DMD: variants seen among roughly 807,000 people sequenced by gnomAD.
DMD encodes mutant dystrophin.
Under a neutral mutation model 330.1 loss-of-function variants are expected in DMD, and 63 were observed. The observed-to-expected ratio is 0.19, with a 90% CI of 0.16 to 0.24. The LOEUF is 0.24. Among genes scored for constraint, DMD ranks in the 10% least tolerant of loss-of-function variants. The probability of loss-of-function intolerance (pLI) is 1.00; values close to 1 mark genes in which losing one functional copy is unlikely to be tolerated. For synonymous variants in DMD, 1,223 were observed against 959.8 expected, an observed-to-expected ratio of 1.27 and a Z score of -5.07; for missense variants, 3,344 against 2,684.1, an observed-to-expected ratio of 1.25 and a Z score of -5.43.
intron 52 of DMD, among the ~76,000 whole-genome samples, chrX:31,679,860 T>A (rs992535838): frequency 8.9e-6 from 1 of 112,058 alleles, no homozygotes; most frequent in African/African-American, 3.2e-5. Flanking sequence ...ATATGAATCA[T>A]CTGTTAGAAA....
At position 33,334,910 on chromosome X, in the gene DMD, A is replaced by G. The variant is rs144104153; in HGVS notation, c.7+4349T>C. On this transcript the variant is annotated intron_variant, in intron 1 of 17. Coordinates refer to the DMD transcript ENST00000288447. ...TCTTAGCACTGAACACTTTAGGAAT[A>G]AGGAGTGCAGTGTCTCACAAAGTAA... Among the ~76,000 whole-genome samples the G allele has an allele frequency of 3.8e-4, 42 of 111,828 alleles. 1 individual carries two copies. In the East Asian group the frequency reaches 0.012, roughly 32 times the overall value.
chrX:31,590,151 T>G, intron 55 of DMD, among the ~76,000 whole-genome samples: 1 of 110,924 alleles, frequency 9.0e-6, no homozygotes, highest in Non-Finnish European at 1.9e-5. Flanking sequence ...CCACACATCT[T>G]AATTGTAAAC....
chrX:31,412,402 C>A (rs1347220920), intron 60 of DMD, among the ~76,000 whole-genome samples: 1 of 111,675 alleles, frequency 9.0e-6, no homozygotes, highest in Non-Finnish European at 1.9e-5. Context: ...TATTTCTTAG[C>A]CTCACATAGA....
At chrX:32,254,642 G>A (rs1307147577) in intron 43 of DMD, among the ~76,000 whole-genome samples, 1 of 111,882 alleles carries the variant, frequency 8.9e-6, no homozygotes, top group Non-Finnish European at 1.9e-5. Flanking sequence ...GATTCATAAT[G>A]TGAAGGGTGT....
At chrX:31,152,540 T>C (rs2037567510) in intron 74 of DMD, among the ~76,000 whole-genome samples, 1 of 4,155 alleles carries the variant, frequency 2.4e-4, no homozygotes, top group African/African-American at 9.7e-4. Flanking sequence ...TAATTCATCT[T>C]TTTTTTTTTT....
intron 9 of DMD, among the ~76,000 whole-genome samples, chrX:32,676,694 G>A (rs2147263688): frequency 9.0e-6 from 1 of 111,457 alleles, no homozygotes; most frequent in South Asian, 3.7e-4. Flanking sequence ...TACAAGCTCA[G>A]TTAACATTCT....
chrX:32,677,565 G>T (rs1299490900), intron 9 of DMD, among the ~76,000 whole-genome samples: 1 of 111,079 alleles, frequency 9.0e-6, no homozygotes, highest in Non-Finnish European at 1.9e-5. Context: ...TTAAAATTTG[G>T]AATGCTCCCT....
At chrX:32,156,265 A>T (rs1172782189) in intron 44 of DMD, among the ~76,000 whole-genome samples, 1 of 111,783 alleles carries the variant, frequency 8.9e-6, no homozygotes, top group Non-Finnish European at 1.9e-5. Context: ...CTGTAATCTC[A>T]GCTACTCGGG....
At chrX:32,530,556 T>C (rs1368333823) in intron 17 of DMD, among the ~76,000 whole-genome samples, 1 of 112,321 alleles carries the variant, frequency 8.9e-6, no homozygotes, top group Non-Finnish European at 1.9e-5. Context: ...TTTGTTTAAA[T>C]ATCTTTGAGA....
In DMD at chrX:31,501,772, C is replaced by T. The variant is rs2070431379; in HGVS notation, c.8391-4828G>A. On this transcript the variant is annotated intron_variant, in intron 56 of 78. Coordinates refer to ENST00000357033, the MANE Select transcript of DMD (RefSeq NM_004006.3). ...AAAGTGAAATGTGTTATATTGAATTCATTTTTCACTTTGACTTCCTTTATA... is the reference window on the plus strand; with the variant it reads ...AAAGTGAAATGTGTTATATTGAATTTATTTTTCACTTTGACTTCCTTTATA... 6.2e-5 allele frequency among the ~76,000 whole-genome samples: 7 copies of T among 112,248 alleles called. No individual in the cohort carries two copies. The South Asian group carries it at 1.8e-3, about 30-fold the overall frequency.
intron 1 of DMD, among the ~76,000 whole-genome samples, chrX:33,219,168 C>T (rs2052114573): frequency 1.8e-5 from 2 of 110,263 alleles, no homozygotes; most frequent in South Asian, 7.7e-4. Flanking sequence ...GACTCTGGAT[C>T]TTATTTAAAT....
chrX:32,347,553 T>C (rs2097768257), intron 38 of DMD, among the ~76,000 whole-genome samples: 2 of 111,720 alleles, frequency 1.8e-5, no homozygotes, highest in Non-Finnish European at 3.8e-5. Flanking sequence ...AAGTGGGAAC[T>C]AAGATTGGTG....
intron 7 of DMD, among the ~76,000 whole-genome samples, chrX:32,746,481 T>A (rs1417921462): frequency 8.9e-6 from 1 of 111,915 alleles, no homozygotes; most frequent in Non-Finnish European, 1.9e-5. Context: ...TGGGACCTTT[T>A]TAGAAATACC....
At chrX:32,779,902 C>T (rs1261040182) in intron 7 of DMD, among the ~76,000 whole-genome samples, 3 of 111,359 alleles carry the variant, frequency 2.7e-5, no homozygotes, top group African/African-American at 9.8e-5. Context: ...GATTACTATT[C>T]AAGATATTCT....
At position 31,776,562 on chromosome X, in the gene DMD, CAGAA is replaced by C. The variant is rs1399483785; in HGVS notation, c.7310-2374_7310-2371del. On this transcript the variant is annotated intron_variant, in intron 50 of 78. Coordinates refer to ENST00000357033, the MANE Select transcript of DMD (RefSeq NM_004006.3). ...CCTGAAAAGCACGTTTGGAAAAAGACAGAAAGGAAGAAGGAAAGAAGAAAGTCAG... is the reference window on the plus strand; with the variant it reads ...CCTGAAAAGCACGTTTGGAAAAAGACAGGAAGAAGGAAAGAAGAAAGTCAG... Among the ~76,000 whole-genome samples, 7 of 81,025 alleles carry C rather than the reference CAGAA, an allele frequency of 8.6e-5. No homozygotes were observed. In the South Asian group the frequency reaches 2.2e-3, roughly 26 times the overall value. 70.4% of individuals were successfully genotyped at this position (81,025 alleles called of 115,157 possible).
intron 15 of DMD, among the ~76,000 whole-genome samples, chrX:32,570,882 C>T (rs1306490873): frequency 9.0e-6 from 1 of 111,655 alleles, no homozygotes; most frequent in Non-Finnish European, 1.9e-5. Flanking sequence ...ATCTAGTCAA[C>T]AATATATGCA....
chrX:31,561,156 A>G (rs1272598187), intron 55 of DMD, among the ~76,000 whole-genome samples: 2 of 112,076 alleles, frequency 1.8e-5, no homozygotes, highest in African/African-American at 3.2e-5. Context: ...TTTTGAAAAA[A>G]GGGATCAAAG....
chrX:33,142,155 C>T (rs1001263448), intron 1 of DMD, among the ~76,000 whole-genome samples: 5 of 112,090 alleles, frequency 4.5e-5, no homozygotes, highest in East Asian at 2.8e-4. Flanking sequence ...GCACAATCTC[C>T]GCTCACTGCA....
intron 4 of DMD, among the ~76,000 whole-genome samples, chrX:32,824,883 G>C (rs754959892): frequency 1.8e-5 from 2 of 111,492 alleles, no homozygotes; most frequent in African/African-American, 6.5e-5. Flanking sequence ...AGGGGAGATT[G>C]ATCATTCAAG....
Sources: allele counts gnomAD v4.1 joint callset (sites outside exome capture counted in the v4.1 genomes callset), GRCh38; gene constraint gnomAD v4.1.1; transcripts MANE v1.5; gene names NCBI Gene and HGNC (gene_info 2026-07-23, HGNC 2026-07-21).